The following DCDC2 variants were observed in gnomAD, a reference collection of about 807,000 sequenced individuals.
The protein encoded by DCDC2 is doublecortin domain-containing protein 2.
A neutral mutation model predicts 50.2 loss-of-function variants in DCDC2; 40 were observed. The observed-to-expected ratio is 0.80, with a 90% confidence interval of 0.62 to 1.04. DCDC2 has a LOEUF of 1.04. Ranked by LOEUF, DCDC2 falls within the 50% of genes least tolerant of loss-of-function variation. The pLI is 0.00. For synonymous variants in DCDC2, 234 were observed against 210.6 expected (o/e 1.11, Z -0.96); for missense variants, 570 against 581.9 (o/e 0.98, Z 0.21).
chr6:24,372,794 A>G, the DCDC2 span, among the ~76,000 whole-genome samples: 1 of 152,156 alleles, frequency 6.6e-6, no homozygotes, highest in African/African-American at 2.4e-5. Context: ...GAGGGATAGC[A>G]TTAGGAGATA....
intron 8 of DCDC2, among the ~76,000 whole-genome samples, chr6:24,179,553 A>G: frequency 2.1e-5 from 1 of 48,290 alleles, no homozygotes; most frequent in South Asian, 8.5e-4. Context: ...ATCTCAAAAA[A>G]AAAAAAAAAA....
intron 7 of DCDC2, among the ~76,000 whole-genome samples, chr6:24,206,388 A>T (rs793861): frequency 0.59 from 90,349 of 152,046 alleles, 30,329 homozygotes; most frequent in Non-Finnish European, 0.73. Flanking sequence ...GAAGGAAGGA[A>T]GGAAACAGGA....
At chr6:24,197,827 A>C (rs960914682) in intron 8 of DCDC2, among the ~76,000 whole-genome samples, 7 of 152,210 alleles carry the variant, frequency 4.6e-5, no homozygotes, top group Non-Finnish European at 2.9e-5. Context: ...GGTAGTTCCT[A>C]GTGACTTCTC....
At chr6:24,321,702 A>T (rs1218821090) in intron 2 of DCDC2, among the ~76,000 whole-genome samples, 2 of 152,186 alleles carry the variant, frequency 1.3e-5, no homozygotes, top group African/African-American at 4.8e-5. Context: ...AAATGCAAAA[A>T]GCAAAAGCGA....
intron 8 of DCDC2, 33 bp from the exon 9 acceptor site, chr6:24,178,665 A>C (rs1284175231): frequency 2.5e-6 from 4 of 1,581,922 alleles, no homozygotes; most frequent in Non-Finnish European, 3.4e-6. Flanking sequence ...GGATAAAAGT[A>C]AGAAGCATAA....
intron 2 of DCDC2, among the ~76,000 whole-genome samples, chr6:24,344,195 G>T: frequency 6.6e-6 from 1 of 151,410 alleles, no homozygotes; most frequent in Non-Finnish European, 1.5e-5. Context: ...TTCCACATGT[G>T]AGCTTCATTG....
intron 8 of DCDC2, among the ~76,000 whole-genome samples, chr6:24,195,569 A>G (rs975748182): frequency 9.9e-5 from 15 of 152,156 alleles, no homozygotes; most frequent in African/African-American, 2.4e-5. Context: ...TCCCAATCTC[A>G]GCTCTACTGA....
Position 24,357,845 on chromosome 6 carries a change from C to T in DCDC2, c.-95G>A, listed in dbSNP as rs1365799879. 2.5e-6 allele frequency: 4 copies of T among 1,593,724 alleles called. No individual in the cohort carries two copies. Among genetic ancestry groups the T allele is most frequent in the Non-Finnish European group, 3.4e-6 (4 of 1,169,286 alleles). On this transcript the variant is annotated 5_prime_UTR_variant, in exon 1 of 10. Coordinates refer to ENST00000378454, the MANE Select transcript of DCDC2 (RefSeq NM_016356.5). Reference sequence around the variant, plus strand: ...CACCGCACCCAGGGCGCGGGATCGCCTCCTGAAACGAACGAGAAACTGACG... The same window carrying T: ...CACCGCACCCAGGGCGCGGGATCGCTTCCTGAAACGAACGAGAAACTGACG...
chr6:24,341,987 T>C (rs1384715681), intron 2 of DCDC2, among the ~76,000 whole-genome samples: 3 of 152,064 alleles, frequency 2.0e-5, no homozygotes, highest in South Asian at 2.1e-4. Context: ...GAATTTGTTC[T>C]ACATTAAAGA....
intron 7 of DCDC2, among the ~76,000 whole-genome samples, chr6:24,219,600 CA>C (rs1762056045): frequency 2.6e-5 from 4 of 152,180 alleles, no homozygotes; most frequent in Admixed American, 2.6e-4. Context: ...AACAGAAAAT[CA>C]AATGCAGTAC....
At chr6:24,313,623 G>C (rs898747668) in intron 2 of DCDC2, among the ~76,000 whole-genome samples, 1 of 152,192 alleles carries the variant, frequency 6.6e-6, no homozygotes, top group African/African-American at 2.4e-5. Flanking sequence ...AGTATGCAGC[G>C]GGCAGCCCGT....
At chr6:24,220,880 G>GCA (rs763159942) in intron 7 of DCDC2, among the ~76,000 whole-genome samples, 1 of 114,856 alleles carries the variant, frequency 8.7e-6, no homozygotes, top group African/African-American at 3.0e-5. Context: ...AAGAGAGCGA[G>GCA]AGCGAGAGAG....
At chr6:24,244,490 T>C (rs1762629530) in intron 7 of DCDC2, among the ~76,000 whole-genome samples, 1 of 152,150 alleles carries the variant, frequency 6.6e-6, no homozygotes, top group African/African-American at 2.4e-5. Context: ...AGACTCTCCT[T>C]CATTTGATCT....
chr6:24,369,797 T>C, the DCDC2 span, among the ~76,000 whole-genome samples: 1 of 152,138 alleles, frequency 6.6e-6, no homozygotes, highest in Non-Finnish European at 1.5e-5. Context: ...TCCAGCACTT[T>C]GGGAGGCTGA....
chr6:24,382,005 A>AGGC, the DCDC2 span, among the ~76,000 whole-genome samples: 8 of 103,924 alleles, frequency 7.7e-5, no homozygotes, highest in African/African-American at 2.3e-4. Flanking sequence ...GGAAGGAAGG[A>AGGC]AGGAAGGCAG....
intron 6 of DCDC2, among the ~76,000 whole-genome samples, chr6:24,283,679 G>C (rs1581630623): frequency 6.6e-6 from 1 of 152,116 alleles, no homozygotes; most frequent in Admixed American, 6.5e-5. Context: ...GTGCCAGGCA[G>C]CTAATGATCT....
intron 2 of DCDC2, among the ~76,000 whole-genome samples, chr6:24,332,978 G>C (rs151190021): frequency 1.4e-4 from 22 of 152,284 alleles, no homozygotes; most frequent in South Asian, 6.2e-4. Flanking sequence ...TGCTGCAAAG[G>C]AGAAAGGCCT....
rs888968638 is a variant in DCDC2, at chr6:24,276,541, C to T, written c.922+1508G>A. On this transcript the variant is annotated intron_variant, in intron 7 of 9. Coordinates refer to ENST00000378454, the MANE Select transcript of DCDC2 (RefSeq NM_016356.5). ...AACATAATTATTAAGTGCCTCAGAC[C>T]TGTGCCAGTTGTTGGAAATAAGAAA... Among the ~76,000 whole-genome samples, 6 of 152,184 alleles carry T rather than the reference C, an allele frequency of 3.9e-5. 1 individual carries two copies. The South Asian group carries it at 1.2e-3, about 32-fold the overall frequency.
chr6:24,243,840 A>G (rs997764752), intron 7 of DCDC2, among the ~76,000 whole-genome samples: 3 of 152,204 alleles, frequency 2.0e-5, no homozygotes, highest in African/African-American at 7.2e-5. Context: ...ATGGGGGTTG[A>G]GTGAACAGGG....
Sources: allele counts gnomAD v4.1 joint callset (sites outside exome capture counted in the v4.1 genomes callset), GRCh38; gene constraint gnomAD v4.1.1; transcripts MANE v1.5; gene names NCBI Gene and HGNC (gene_info 2026-07-23, HGNC 2026-07-21).